NLRP13: variants seen among roughly 807,000 people sequenced by gnomAD.
NLRP13 encodes NACHT, LRR and PYD domains-containing protein 13.
A neutral mutation model predicts 94.4 loss-of-function variants in NLRP13; 82 were observed. That is an observed-to-expected ratio of 0.87 (90% CI 0.73 to 1.04). The LOEUF (loss-of-function observed/expected upper bound fraction) is 1.04, where lower values mean the gene tolerates loss of function less well. Among genes scored for constraint, NLRP13 ranks in the 50% least tolerant of loss-of-function variants. NLRP13 has a pLI of 0.00. For missense variants in NLRP13, 1,426 were observed against 1,230.8 expected (o/e 1.16, Z -2.37); for synonymous variants, 553 against 464.7 (o/e 1.19, Z -2.45).
chr19:55,923,268 TAGG>T (rs1986881087), intron 4 of NLRP13, among the ~76,000 whole-genome samples: 1 of 152,124 alleles, frequency 6.6e-6, no homozygotes, highest in Non-Finnish European at 1.5e-5. Context: ...TATTTTTCTG[TAGG>T]AGATCAGTCA....
At chr19:55,892,424 CAT>C (rs1243923657), downstream of NLRP13, among the ~76,000 whole-genome samples, 2 of 150,786 alleles carry the variant, frequency 1.3e-5, no homozygotes, top group African/African-American at 5.0e-5. Flanking sequence ...CACACATACA[CAT>C]ATACGTATTG....
At chr19:55,898,336 A>C (rs1041611564) in intron 10 of NLRP13, among the ~76,000 whole-genome samples, 3 of 151,276 alleles carry the variant, frequency 2.0e-5, no homozygotes, top group Non-Finnish European at 4.4e-5. Context: ...CAGCCTCCTG[A>C]GTAGCTGGGA....
chr19:55,908,709 G>A (rs991513782), intron 6 of NLRP13, among the ~76,000 whole-genome samples: 2 of 152,166 alleles, frequency 1.3e-5, no homozygotes, highest in Non-Finnish European at 2.9e-5. Context: ...ACTTATAAGT[G>A]GGAGCTAAAT....
chr19:55,893,126 C>A (rs1179945505), downstream of NLRP13, among the ~76,000 whole-genome samples: 1 of 152,246 alleles, frequency 6.6e-6, no homozygotes, highest in East Asian at 1.9e-4. Context: ...TGGTGGCTCA[C>A]ACCTGTAATC....
At chr19:55,910,268 T>C (rs1024675729) in intron 6 of NLRP13, among the ~76,000 whole-genome samples, 2 of 152,190 alleles carry the variant, frequency 1.3e-5, no homozygotes, top group African/African-American at 2.4e-5. Context: ...GAGTCCACCA[T>C]ACCCTCGAAG....
chr19:55,916,020 C>A (rs565893863), intron 4 of NLRP13, among the ~76,000 whole-genome samples: 1 of 152,272 alleles, frequency 6.6e-6, no homozygotes, highest in South Asian at 2.1e-4. Flanking sequence ...AGCTTTAAGA[C>A]CTCACTAACC....
intron 8 of NLRP13, among the ~76,000 whole-genome samples, chr19:55,903,518 C>T (rs1335845615): frequency 1.3e-5 from 2 of 152,180 alleles, no homozygotes; most frequent in African/African-American, 2.4e-5. Flanking sequence ...CGGGGTCTCT[C>T]ATTCCCACAA....
chr19:55,931,551 AC>A (rs1229558232), intron 1 of NLRP13, among the ~76,000 whole-genome samples: 2 of 151,284 alleles, frequency 1.3e-5, no homozygotes, highest in Admixed American at 6.6e-5. Context: ...TACTAAAAAT[AC>A]AAAAAAATTA....
In NLRP13 at chr19:55,907,956, C is replaced by T. The variant is rs759336689; in HGVS notation, c.2283G>A (p.Thr761=). The T allele has an allele frequency of 5.0e-6, 8 of 1,591,882 alleles. No homozygotes were observed. In the South Asian group the frequency reaches 7.9e-5, roughly 16 times the overall value. ...KNPRCKVQKL[T]CKSVTPEWVL... ...CCCACTCAGGAGTTACCGATTTGCA[C>T]CTGAGGAAGGGAAGGGACATGAAAG... is the stretch of plus-strand genomic sequence containing the variant. Residue 761 remains threonine (T), a splice_region_variant and synonymous_variant, in exon 7 of 11, where the codon ACG becomes ACA. Transcript: ENST00000342929.
At chr19:55,901,835 T>G (rs1273667235) in intron 9 of NLRP13, among the ~76,000 whole-genome samples, 200 bp downstream of exon 9, 2 of 151,980 alleles carry the variant, frequency 1.3e-5, no homozygotes, top group African/African-American at 4.8e-5. Flanking sequence ...CGGGGGCTGG[T>G]CTCGAGGTCC....
At chr19:55,915,888 A>G (rs571836410) in intron 4 of NLRP13, among the ~76,000 whole-genome samples, 5 of 152,286 alleles carry the variant, frequency 3.3e-5, no homozygotes, top group African/African-American at 1.2e-4. Context: ...CAAGCATAAA[A>G]GCTACTGCAA....
rs76515504 is a variant in NLRP13, at chr19:55,904,922, T to G, written c.2618+20A>C. The G allele has an allele frequency of 8.8e-3, 14,189 of 1,603,878 alleles. 80 individuals are homozygous for G. The highest frequency in any genetic ancestry group is 0.01 in the Non-Finnish European group (11,999 of 1,171,896). ...GTGCCCATAGAGTCATATCTAGAAA[T>G]GGAAGTAGGGAAAACTTACTCCAGT... On this transcript the variant is annotated intron_variant, in intron 8 of 10. Transcript: ENST00000342929.
At chr19:55,909,511 G>A (rs62128198) in intron 6 of NLRP13, among the ~76,000 whole-genome samples, 7,291 of 150,872 alleles carry the variant, frequency 0.048, 286 homozygotes, top group Non-Finnish European at 0.074. Flanking sequence ...GCAGCAGTAT[G>A]CTGATAAATA....
intron 6 of NLRP13, 114 bp from the exon 7 acceptor site, chr19:55,908,070 T>C: frequency 2.2e-6 from 2 of 890,360 alleles, no homozygotes; most frequent in Non-Finnish European, 1.7e-6. Flanking sequence ...TTATACACGG[T>C]ACACAAGGAA....
chr19:55,925,697 A>G (rs931902404), intron 1 of NLRP13, among the ~76,000 whole-genome samples: 10 of 152,188 alleles, frequency 6.6e-5, no homozygotes, highest in Non-Finnish European at 1.5e-4. Flanking sequence ...ACAGTGGCCA[A>G]ACTCACTTTA....
At chr19:55,931,746 A>AGAAAGACAGAAAGAAAG (rs1568449466) in intron 1 of NLRP13, among the ~76,000 whole-genome samples, 1 of 81,956 alleles carries the variant, frequency 1.2e-5, no homozygotes, top group African/African-American at 3.9e-5. Flanking sequence ...AAGAAAGAAA[A>AGAAAGACAGAAAGAAAG]AGGCTTATAA....
At position 55,932,087 on chromosome 19, in the gene NLRP13, G is replaced by C; in HGVS notation, c.225C>G (p.His75Gln). The C allele has an allele frequency of 6.2e-7, 1 of 1,614,186 alleles. No individual in the cohort carries two copies. The highest frequency in any genetic ancestry group is 8.5e-7 in the Non-Finnish European group (1 of 1,180,010). The change falls in exon 1 of 11, where the codon CAC becomes CAG. Residue 75 changes from histidine (H) to glutamine (Q), a missense_variant. Coordinates refer to ENST00000342929, the MANE Select transcript of NLRP13 (RefSeq NM_176810.2). The part of the protein sequence containing the change: ...PLNLSFLLDE[H>Q]FPKGQAWKVV... ...CTTTCCATGCCTGACCTTTTGGGAA[G>C]TGTTCATCCAAAAGAAAGGACAGAT...
intron 4 of NLRP13, among the ~76,000 whole-genome samples, chr19:55,916,739 T>C (rs1042418053): frequency 3.9e-5 from 6 of 152,280 alleles, no homozygotes; most frequent in South Asian, 2.1e-4. Context: ...TTGGAACCTA[T>C]GAATCATAGG....
rs561500941 is a variant in NLRP13 at position 55,907,039 on chromosome 19, A to G, written c.2447+753T>C. Among the ~76,000 whole-genome samples the G allele has an allele frequency of 1.4e-4, 22 of 152,172 alleles. No individual in the cohort carries two copies. The East Asian group carries it at 4.3e-3, about 30-fold the overall frequency. ...CAGTGTCACAATCTTGGCTCACTGC[A>G]ACCTCCGCTCCCGGGTTCAAGCGAG... On this transcript the variant is annotated intron_variant, in intron 7 of 10. Coordinates refer to ENST00000342929, the MANE Select transcript of NLRP13 (RefSeq NM_176810.2).
Sources: gnomAD v4.1 joint callset for allele counts (sites outside exome capture counted in the v4.1 genomes callset) on GRCh38, gnomAD v4.1.1 for gene constraint, MANE v1.5 for transcripts, NCBI Gene and HGNC (gene_info 2026-07-23, HGNC 2026-07-21) for gene names.